The following ANO3 variants were observed in gnomAD, a reference collection of about 807,000 sequenced individuals.
The protein encoded by ANO3 is anoctamin-3.
In ANO3, 99 loss-of-function variants were observed where a neutral mutation model predicts 144.8. That is an observed-to-expected ratio of 0.68 (90% CI 0.58 to 0.81). The LOEUF is 0.81. Among genes scored for constraint, ANO3 ranks in the 30% least tolerant of loss-of-function variants. The pLI is 0.00. For synonymous variants in ANO3, 414 were observed against 392.6 expected (o/e 1.05, Z -0.64); for missense variants, 905 against 1,202.2 (o/e 0.75, Z 3.66).
chr11:26,232,256 G>A (rs933417200), intron 1 of ANO3, among the ~76,000 whole-genome samples: 10 of 152,166 alleles, frequency 6.6e-5, no homozygotes, highest in African/African-American at 2.4e-4. Flanking sequence ...CCAAAGAATG[G>A]AGAAGGAGTG....
chr11:26,351,788 T>C (rs576101488), intron 1 of ANO3, among the ~76,000 whole-genome samples: 3 of 152,354 alleles, frequency 2.0e-5, no homozygotes, highest in African/African-American at 7.2e-5. Flanking sequence ...CAGTTCACTA[T>C]GTATGGGGAA....
rs1462510108 is a variant in ANO3, at chr11:26,508,184, A to G, written c.513A>G (p.Arg171=). ...KKRIDYILVY[R]KTNIQYDKRN... is the part of the protein sequence containing the mutation. ...GAATTGATTACATCTTGGTTTATAGAAAGACAAATATACAATATGATAAAA... is the reference window on the plus strand; with the variant it reads ...GAATTGATTACATCTTGGTTTATAGGAAGACAAATATACAATATGATAAAA... The change falls in exon 5 of 27, where the codon AGA becomes AGG. Residue 171 remains arginine, a synonymous_variant. Coordinates refer to ENST00000256737, the MANE Select transcript of ANO3 (RefSeq NM_031418.4). The G allele has an allele frequency of 3.7e-6, 6 of 1,606,540 alleles. No individual in the cohort carries two copies. The South Asian group carries it at 6.7e-5, about 18-fold the overall frequency.
At chr11:26,434,989 C>A (rs528445979) in intron 1 of ANO3, among the ~76,000 whole-genome samples, 2 of 152,024 alleles carry the variant, frequency 1.3e-5, no homozygotes, top group Admixed American at 1.3e-4. Context: ...TAATTTTCTG[C>A]CTTAATGATC....
intron 1 of ANO3, among the ~76,000 whole-genome samples, chr11:26,425,894 T>C (rs1382869143): frequency 6.6e-6 from 1 of 152,126 alleles, no homozygotes; most frequent in African/African-American, 2.4e-5. Flanking sequence ...AATTGGTTAA[T>C]GGATACATAA....
rs140073741 is a variant in ANO3, at chr11:26,611,778, T to C, written c.1836+12064T>C. Among the ~76,000 whole-genome samples, 201 of 152,292 alleles carry C rather than the reference T, an allele frequency of 1.3e-3. 3 individuals are homozygous for C. The East Asian group carries it at 0.031, about 24-fold the overall frequency. On this transcript the variant is annotated intron_variant, in intron 17 of 26. Transcript: ENST00000256737. ...TATCTGATAATATTTGCTGTACATA[T>C]TTGGGTGCTCTGGTGTTAGGTACAT...
intron 6 of ANO3, among the ~76,000 whole-genome samples, chr11:26,525,334 G>C (rs935120226): frequency 5.3e-5 from 8 of 151,976 alleles, no homozygotes; most frequent in Admixed American, 2.6e-4. Context: ...AATTCAATTA[G>C]TATAAATTGA....
chr11:26,273,588 C>T (rs187617537), intron 1 of ANO3, among the ~76,000 whole-genome samples: 25 of 147,784 alleles, frequency 1.7e-4, no homozygotes, highest in Admixed American at 6.8e-4. Flanking sequence ...ACAGGATTTA[C>T]GACAGAGCAA....
intron 1 of ANO3, among the ~76,000 whole-genome samples, chr11:26,233,221 A>G (rs951598774): frequency 4.6e-5 from 7 of 151,716 alleles, no homozygotes; most frequent in Non-Finnish European, 1.0e-4. Flanking sequence ...CGTCTCAAAA[A>G]AAAAAAAAGA....
At chr11:26,443,327 C>G (rs552649622) in intron 2 of ANO3, among the ~76,000 whole-genome samples, 56 of 152,158 alleles carry the variant, frequency 3.7e-4, no homozygotes, top group African/African-American at 1.3e-3. Flanking sequence ...TTAGGCCAGG[C>G]ATGATGGCTC....
intron 24 of ANO3, among the ~76,000 whole-genome samples, chr11:26,652,293 G>A (rs1853558048): frequency 6.6e-6 from 1 of 152,134 alleles, no homozygotes; most frequent in South Asian, 2.1e-4. Context: ...GCTTCTCCTT[G>A]CTCCTCAAGC....
At chr11:26,332,596 G>C (rs947706333) in intron 1 of ANO3, among the ~76,000 whole-genome samples, 6 of 151,904 alleles carry the variant, frequency 3.9e-5, no homozygotes, top group Non-Finnish European at 7.4e-5. Context: ...ATGCACTGCA[G>C]TAAACCCGCT....
intron 1 of ANO3, among the ~76,000 whole-genome samples, chr11:26,233,924 A>G (rs967184680): frequency 8.5e-5 from 13 of 152,138 alleles, no homozygotes; most frequent in Non-Finnish European, 1.9e-4. Context: ...GGGGAACATT[A>G]CACGCAAGGG....
intron 24 of ANO3, among the ~76,000 whole-genome samples, chr11:26,650,153 C>G (rs1267512122): frequency 1.3e-5 from 2 of 152,118 alleles, no homozygotes; most frequent in Non-Finnish European, 2.9e-5. Flanking sequence ...CAGAGGAGCA[C>G]CCTGTTTATT....
At chr11:26,298,038 G>A (rs6484200) in intron 1 of ANO3, among the ~76,000 whole-genome samples, 20,460 of 152,146 alleles carry the variant, frequency 0.13, 3,465 homozygotes, top group African/African-American at 0.4. Context: ...TGGGATTTCA[G>A]CAGAATCAGT....
chr11:26,263,509 A>G (rs1853241162), intron 1 of ANO3, among the ~76,000 whole-genome samples: 1 of 152,122 alleles, frequency 6.6e-6, no homozygotes, highest in Non-Finnish European at 1.5e-5. Context: ...AGTGTTATTC[A>G]TCTCTGGGTA....
At chr11:26,290,204 G>A (rs1435308463) in intron 1 of ANO3, among the ~76,000 whole-genome samples, 1 of 152,146 alleles carries the variant, frequency 6.6e-6, no homozygotes, top group Non-Finnish European at 1.5e-5. Context: ...GCTTAGAGGT[G>A]TTTATAGTGT....
At chr11:26,436,466 TC>T (rs1402342462) in intron 1 of ANO3, among the ~76,000 whole-genome samples, 1 of 152,092 alleles carries the variant, frequency 6.6e-6, no homozygotes, top group East Asian at 1.9e-4. Flanking sequence ...CCTCCAATTT[TC>T]CAGTACCTGA....
intron 14 of ANO3, among the ~76,000 whole-genome samples, chr11:26,571,253 A>G (rs1850813646): frequency 6.6e-6 from 1 of 152,142 alleles, no homozygotes; most frequent in East Asian, 1.9e-4. Context: ...CTTCTGTATC[A>G]TACTGTAATG....
At chr11:26,293,549 A>ATAT (rs1359070901) in intron 1 of ANO3, among the ~76,000 whole-genome samples, 1 of 127,860 alleles carries the variant, frequency 7.8e-6, no homozygotes, top group African/African-American at 3.1e-5. Flanking sequence ...ATATATATAT[A>ATAT]TATATATATA....
Sources: gnomAD v4.1 joint callset for allele counts (sites outside exome capture counted in the v4.1 genomes callset) on GRCh38, gnomAD v4.1.1 for gene constraint, MANE v1.5 for transcripts, NCBI Gene and HGNC (gene_info 2026-07-23, HGNC 2026-07-21) for gene names.